The following SLCO3A1 variants were observed in gnomAD, a reference collection of about 807,000 sequenced individuals.
The protein encoded by SLCO3A1 is PGE1 transporter.
In SLCO3A1, 27 loss-of-function variants were observed where a neutral mutation model predicts 63.1. The observed-to-expected ratio is 0.43, with a 90% CI of 0.32 to 0.59. SLCO3A1 has a LOEUF of 0.59. Among genes scored for constraint, SLCO3A1 ranks in the 20% least tolerant of loss-of-function variants. SLCO3A1 has a pLI of 0.09. For missense variants in SLCO3A1, 773 were observed against 945.8 expected (o/e 0.82, Z 2.40); for synonymous variants, 473 against 409.9 (o/e 1.15, Z -1.86).
At chr15:92,071,409 C>G (rs1318625681) in intron 2 of SLCO3A1, among the ~76,000 whole-genome samples, 1 of 152,198 alleles carries the variant, frequency 6.6e-6, no homozygotes, top group East Asian at 1.9e-4. Flanking sequence ...GCTCTGCATG[C>G]TGGGCTGTAG....
At chr15:91,964,178 A>G (rs1019038096) in intron 2 of SLCO3A1, among the ~76,000 whole-genome samples, 7 of 152,188 alleles carry the variant, frequency 4.6e-5, no homozygotes, top group African/African-American at 1.4e-4. Flanking sequence ...AGGAAAAGCA[A>G]ACCTGTGGTA....
chr15:91,958,286 G>C (rs1900311870), intron 2 of SLCO3A1, among the ~76,000 whole-genome samples: 1 of 152,178 alleles, frequency 6.6e-6, no homozygotes. Context: ...GTGTGTTGGG[G>C]TGGAGGGTGA....
At chr15:92,162,133 C>CTTTTTTTTTT (rs397854182) in intron 9 of SLCO3A1, 2 of 59,348 alleles carry the variant, frequency 3.4e-5, no homozygotes, top group African/African-American at 7.4e-5. Context: ...GTTCTAGATG[C>CTTTTTTTTTT]TTTTTTTTTT....
chr15:92,151,566 T>C (rs1398491332), intron 9 of SLCO3A1, among the ~76,000 whole-genome samples: 3 of 152,194 alleles, frequency 2.0e-5, no homozygotes, highest in Admixed American at 6.5e-5. Context: ...GTTTTTAAGA[T>C]AGGCAAAAGG....
intron 2 of SLCO3A1, among the ~76,000 whole-genome samples, chr15:91,929,009 A>G (rs1597130012): frequency 1.3e-5 from 2 of 152,308 alleles, no homozygotes; most frequent in Middle Eastern, 6.8e-3. Context: ...GGGGACAAAA[A>G]TGGTAAGAAG....
At chr15:92,072,341 G>A (rs986848873) in intron 2 of SLCO3A1, among the ~76,000 whole-genome samples, 11 of 149,866 alleles carry the variant, frequency 7.3e-5, no homozygotes, top group South Asian at 2.1e-4. Flanking sequence ...TGTTGTTGTC[G>A]GCTCATTATA....
intron 7 of SLCO3A1, among the ~76,000 whole-genome samples, chr15:92,143,821 A>G (rs1477253988): frequency 6.6e-6 from 1 of 152,152 alleles, no homozygotes; most frequent in East Asian, 1.9e-4. Flanking sequence ...GAAGCAAAGC[A>G]GCATTTCCTC....
At chr15:91,937,532 A>G (rs1899456982) in intron 2 of SLCO3A1, among the ~76,000 whole-genome samples, 1 of 152,118 alleles carries the variant, frequency 6.6e-6, no homozygotes, top group Non-Finnish European at 1.5e-5. Flanking sequence ...AGCCTGGCCA[A>G]CATAGTGAAA....
intron 2 of SLCO3A1, among the ~76,000 whole-genome samples, chr15:91,926,967 G>T (rs1333332531): frequency 6.6e-6 from 1 of 152,150 alleles, no homozygotes; most frequent in Non-Finnish European, 1.5e-5. Flanking sequence ...AGTCTAGCTA[G>T]TTGAGGTGAG....
intron 2 of SLCO3A1, among the ~76,000 whole-genome samples, chr15:92,005,049 C>T (rs1344451222): frequency 6.6e-6 from 1 of 152,152 alleles, no homozygotes; most frequent in Non-Finnish European, 1.5e-5. Flanking sequence ...AAAAGCAGAG[C>T]AGTGGTTAAA....
At chr15:92,082,028 A>C (rs1567109446) in intron 2 of SLCO3A1, among the ~76,000 whole-genome samples, 1 of 152,092 alleles carries the variant, frequency 6.6e-6, no homozygotes, top group East Asian at 1.9e-4. Flanking sequence ...TTTGTTTGTA[A>C]ACTTTGTGAT....
intron 2 of SLCO3A1, among the ~76,000 whole-genome samples, chr15:92,044,389 C>T (rs1195461586): frequency 6.6e-6 from 1 of 152,176 alleles, no homozygotes; most frequent in African/African-American, 2.4e-5. Flanking sequence ...TCTGCTAGAT[C>T]ACTAGATAAA....
chr15:92,157,424 GC>G (rs74572882), intron 9 of SLCO3A1, among the ~76,000 whole-genome samples: 6,664 of 149,520 alleles, frequency 0.045, 354 homozygotes, highest in East Asian at 0.29. Flanking sequence ...AGTACACCTG[GC>G]CCCCCCCCTT....
chr15:92,020,827 C>T (rs1026430372), intron 2 of SLCO3A1, among the ~76,000 whole-genome samples: 4 of 152,204 alleles, frequency 2.6e-5, no homozygotes, highest in African/African-American at 9.6e-5. Context: ...CATGGTACAG[C>T]ATTTTCCAAA....
At chr15:92,150,794 A>AAAAAAAGACACTATTAGTAATTTT (rs549518625) in intron 8 of SLCO3A1, among the ~76,000 whole-genome samples, 156 bp from the exon 9 acceptor site, 21 of 152,290 alleles carry the variant, frequency 1.4e-4, no homozygotes, top group South Asian at 1.2e-3. Context: ...AGGCAGAAAA[A>AAAAAAAGACACTATTAGTAATTTT]AAAAAAGACA....
At chr15:92,055,300 A>AT (rs1185487635) in intron 2 of SLCO3A1, among the ~76,000 whole-genome samples, 2 of 151,606 alleles carry the variant, frequency 1.3e-5, no homozygotes, top group Admixed American at 1.3e-4. Flanking sequence ...GGTTGTTTAT[A>AT]TTTTTCTTAC....
intron 1 of SLCO3A1, among the ~76,000 whole-genome samples, chr15:91,915,757 T>C (rs1043093342): frequency 6.6e-6 from 1 of 152,078 alleles, no homozygotes; most frequent in Non-Finnish European, 1.5e-5. Flanking sequence ...AGAAAAAACA[T>C]TGTTGCTACT....
intron 2 of SLCO3A1, among the ~76,000 whole-genome samples, chr15:92,006,968 C>T (rs186020494): frequency 6.6e-5 from 10 of 152,258 alleles, no homozygotes; most frequent in Non-Finnish European, 1.3e-4. Context: ...CAGAAAGGCT[C>T]GTTAATTGAT....
intron 2 of SLCO3A1, among the ~76,000 whole-genome samples, chr15:92,018,428 C>T (rs1223302388): frequency 6.6e-6 from 1 of 152,182 alleles, no homozygotes; most frequent in East Asian, 1.9e-4. Context: ...TCCCTCCCTC[C>T]TAACCAGTGT....
Sources: gnomAD v4.1 joint callset for allele counts (sites outside exome capture counted in the v4.1 genomes callset) on GRCh38, gnomAD v4.1.1 for gene constraint, MANE v1.5 for transcripts, NCBI Gene and HGNC (gene_info 2026-07-23, HGNC 2026-07-21) for gene names.